Variants in PRELID2 observed in about 807,000 individuals in gnomAD.
PRELID2 encodes PRELI domain-containing protein 2.
A neutral mutation model predicts 28.4 loss-of-function variants in PRELID2; 25 were observed. That is an observed-to-expected ratio of 0.88 (90% confidence interval 0.64 to 1.23). The LOEUF is 1.23. Among genes scored for constraint, PRELID2 ranks in the 50% most tolerant of loss-of-function variants. The pLI is 0.00. For synonymous variants in PRELID2, 76 were observed against 71.6 expected (o/e 1.06, Z -0.31); for missense variants, 201 against 214.4 (o/e 0.94, Z 0.39).
At chr5:145,229,285 C>A in the PRELID2 span, 5 of 751,848 alleles carry the variant, frequency 6.7e-6, no homozygotes, top group Non-Finnish European at 1.2e-5. Flanking sequence ...GGTTCAAGGG[C>A]CGCAGTGACC....
chr5:145,371,753 T>C, the PRELID2 span, among the ~76,000 whole-genome samples: 13 of 151,478 alleles, frequency 8.6e-5, no homozygotes, highest in African/African-American at 2.9e-4. Context: ...GAGATGTTTA[T>C]AGCATCTGTG....
chr5:145,818,868 G>A lies in PRELID2; in HGVS notation c.208-814C>T, dbSNP rs1459952758. 5.3e-5 allele frequency among the ~76,000 whole-genome samples: 8 copies of A among 152,136 alleles called. No homozygotes were observed. In the East Asian group the frequency reaches 1.5e-3, roughly 29 times the overall value. On this transcript the variant is annotated intron_variant, in intron 3 of 6. Transcript: ENST00000683046. ...TGGGTTCCACATCTGATATGGTTTG[G>A]CTGTGTCCCCTCCCAAATCTCATCT...
chr5:145,295,834 T>C, the PRELID2 span, among the ~76,000 whole-genome samples: 2 of 152,222 alleles, frequency 1.3e-5, no homozygotes. Context: ...AAGTAGACAA[T>C]GTAATTTAAA....
At chr5:145,683,898 GTAT>G (rs1009915621) in intron 1 of PRELID2, among the ~76,000 whole-genome samples, 34 of 152,142 alleles carry the variant, frequency 2.2e-4, no homozygotes, top group African/African-American at 7.9e-4. Context: ...TTGCTTATTG[GTAT>G]TATTATTATT....
At chr5:145,338,511 G>T in the PRELID2 span, 4 of 152,094 alleles carry the variant, frequency 2.6e-5, no homozygotes, top group African/African-American at 9.7e-5. Flanking sequence ...CTGACAAATT[G>T]CTGTTTTACC....
the PRELID2 span, among the ~76,000 whole-genome samples, chr5:145,426,692 A>G: frequency 1.3e-5 from 2 of 152,176 alleles, no homozygotes; most frequent in South Asian, 2.1e-4. Context: ...TACAGGTGAG[A>G]AAACAACAAC....
intron 1 of PRELID2, among the ~76,000 whole-genome samples, chr5:145,685,716 A>G (rs1471649711): frequency 1.3e-5 from 2 of 152,214 alleles, no homozygotes; most frequent in Non-Finnish European, 1.5e-5. Flanking sequence ...ATATTAAGTC[A>G]GTACCACTGT....
chr5:145,598,399 G>T (rs182549827), intron 1 of PRELID2, among the ~76,000 whole-genome samples: 1 of 152,094 alleles, frequency 6.6e-6, no homozygotes, highest in Non-Finnish European at 1.5e-5. Flanking sequence ...TCGAAAAACC[G>T]GTCTAGCATC....
intron 1 of PRELID2, among the ~76,000 whole-genome samples, chr5:145,826,866 A>C (rs1008463523): frequency 2.0e-5 from 3 of 152,110 alleles, no homozygotes; most frequent in African/African-American, 7.2e-5. Context: ...GGAAAAAAAA[A>C]CCCATAAGCT....
chr5:145,352,399 C>T, the PRELID2 span, among the ~76,000 whole-genome samples: 4 of 152,282 alleles, frequency 2.6e-5, no homozygotes, highest in Non-Finnish European at 2.9e-5. Flanking sequence ...GAAGCAACAG[C>T]CTGAGCTGTA....
At chr5:145,378,182 C>T in the PRELID2 span, among the ~76,000 whole-genome samples, 1 of 152,160 alleles carries the variant, frequency 6.6e-6, no homozygotes, top group South Asian at 2.1e-4. Flanking sequence ...CTTCCCTTTG[C>T]AAATGGCCTG....
chr5:145,613,524 C>G (rs1163518184), intron 1 of PRELID2, among the ~76,000 whole-genome samples: 1 of 144,224 alleles, frequency 6.9e-6, no homozygotes, highest in Non-Finnish European at 1.5e-5. Context: ...CTTGATGAAG[C>G]TGGAAACCAC....
the PRELID2 span, among the ~76,000 whole-genome samples, chr5:145,333,648 T>C: frequency 6.6e-6 from 1 of 152,258 alleles, no homozygotes; most frequent in African/African-American, 2.4e-5. Flanking sequence ...CCCAGGTTAC[T>C]TCAGACTGCT....
chr5:145,461,806 T>C, the PRELID2 span, among the ~76,000 whole-genome samples: 9 of 152,222 alleles, frequency 5.9e-5, no homozygotes, highest in Non-Finnish European at 7.3e-5. Flanking sequence ...GCAAATGATA[T>C]TAAAATTTAA....
At chr5:145,652,830 A>C (rs1168439424) in intron 1 of PRELID2, among the ~76,000 whole-genome samples, 1 of 152,232 alleles carries the variant, frequency 6.6e-6, no homozygotes, top group African/African-American at 2.4e-5. Flanking sequence ...TGCTAGAAAG[A>C]AACTGCATCA....
At chr5:145,322,346 A>C in the PRELID2 span, among the ~76,000 whole-genome samples, 1 of 152,216 alleles carries the variant, frequency 6.6e-6, no homozygotes, top group African/African-American at 2.4e-5. Context: ...TCAGCTCTCC[A>C]CACTGAAAAC....
At chr5:145,741,314 TATAA>T (rs1352106086) in intron 1 of PRELID2, among the ~76,000 whole-genome samples, 23 of 72,078 alleles carry the variant, frequency 3.2e-4, no homozygotes, top group Admixed American at 7.0e-4. Context: ...ATAATTTATT[TATAA>T]ATAAATTATT....
the PRELID2 span, among the ~76,000 whole-genome samples, chr5:145,420,104 AC>A: frequency 6.6e-6 from 1 of 151,886 alleles, no homozygotes; most frequent in Admixed American, 6.6e-5. Context: ...CTGTTTTGGT[AC>A]CAGTTCCATG....
At chr5:145,294,443 T>C in the PRELID2 span, among the ~76,000 whole-genome samples, 1 of 152,262 alleles carries the variant, frequency 6.6e-6, no homozygotes, top group African/African-American at 2.4e-5. Context: ...TTTAAATGTT[T>C]CAAAACTAAA....
Sources: allele counts gnomAD v4.1 joint callset (sites outside exome capture counted in the v4.1 genomes callset), GRCh38; gene constraint gnomAD v4.1.1; transcripts MANE v1.5; gene names NCBI Gene and HGNC (gene_info 2026-07-23, HGNC 2026-07-21).